The following IRS4 variants were observed in gnomAD, a reference collection of about 807,000 sequenced individuals.
IRS4 encodes 160 kDa phosphotyrosine protein.
Under a neutral mutation model 48.6 loss-of-function variants are expected in IRS4, and 15 were observed. That is an observed-to-expected ratio of 0.31 (90% CI 0.21 to 0.48). The LOEUF is 0.48. IRS4 is among the 20% of genes least tolerant of loss of function. IRS4 has a pLI of 0.99. For missense variants in IRS4, 987 were observed against 1,023.4 expected, an observed-to-expected ratio of 0.96 and a Z score of 0.49; for synonymous variants, 459 against 413.2, an observed-to-expected ratio of 1.11 and a Z score of -1.34.
intron 1 of IRS4, among the ~76,000 whole-genome samples, chrX:108,727,168 T>C (rs1225376789): frequency 8.9e-6 from 1 of 112,165 alleles, no homozygotes; most frequent in East Asian, 2.8e-4. Flanking sequence ...TAAGAGAAAA[T>C]AGCAGTAACT....
intron 1 of IRS4, among the ~76,000 whole-genome samples, chrX:108,730,537 C>T (rs1276567203): frequency 8.9e-6 from 1 of 111,829 alleles, no homozygotes; most frequent in East Asian, 2.8e-4. Flanking sequence ...CACGTTGATT[C>T]TCTTATTTCA....
At position 108,721,515 on chromosome X, in the gene IRS4, C is replaced by T. The variant is rs1299037657; in HGVS notation, c.*1004G>A. On this transcript the variant is annotated 3_prime_UTR_variant, in exon 2 of 2. Coordinates refer to ENST00000372129, the MANE Select transcript of IRS4 (RefSeq NM_001379150.1). The stretch of plus-strand genomic sequence containing the variant: ...GTCAGAATATTGATTGATAAGTAAA[C>T]ACTAATTTCTTGAATATGGGAAATT... 9.0e-6 allele frequency: 1 copy of T among 110,588 alleles called. No homozygotes were observed. The highest frequency in any genetic ancestry group is 1.9e-5 in the Non-Finnish European group (1 of 52,941). 9.1% of individuals were successfully genotyped at this position (110,588 alleles called of 1,213,427 possible). A position where few individuals can be genotyped will look rare whatever the true frequency, so the allele number is the denominator to read the frequency against.
At position 108,735,858 on chromosome X, in the gene IRS4, T is replaced by C. The variant is rs200261736; in HGVS notation, c.487A>G (p.Arg163Gly). The change falls in exon 1 of 2, where the codon AGG (arginine) becomes GGG (glycine). Residue 163 changes from arginine to glycine, a missense_variant. Transcript: ENST00000372129. ...CFSVSQRADA[R>G]YRHLIALFTQ... ...AAAAGAGCAATGAGGTGTCGGTACCTTGCATCTGCTCGCTGGCTCACGGAA... is the reference window on the plus strand; with the variant it reads ...AAAAGAGCAATGAGGTGTCGGTACCCTGCATCTGCTCGCTGGCTCACGGAA... 1 of 1,206,152 alleles carries C rather than the reference T, an allele frequency of 8.3e-7. No homozygotes were observed. Among genetic ancestry groups the C allele is most frequent in the East Asian group, 3.0e-5 (1 of 33,519 alleles).
rs1167434530 is a variant in IRS4, at chrX:108,734,231, G to A, written c.2114C>T (p.Pro705Leu). 8.3e-7 allele frequency: 1 copy of A among 1,208,711 alleles called. No homozygotes were observed. Among genetic ancestry groups the A allele is most frequent in the Non-Finnish European group, 1.1e-6 (1 of 894,704 alleles). The change falls in exon 1 of 2, where the codon CCA (proline) becomes CTA (leucine). Residue 705 changes from proline (P) to leucine (L), a missense_variant. This residue lies in a region of IRS4 where 720 missense variants were observed against 660.3 expected (regional missense o/e 1.09). Coordinates refer to ENST00000372129, the MANE Select transcript of IRS4 (RefSeq NM_001379150.1). ...DEDDPYVPMR[P>L]GVATPLVSSS... ...GCTTACAAGAGGGGTGGCCACCCCT[G>A]GCCTCATTGGCACGTATGGGTCATC...
chrX:108,733,911 G>A lies in IRS4; in HGVS notation c.2434C>T (p.Pro812Ser), dbSNP rs1387513262. ...SKSWSSYFSLPNPFRSSPLGQ... is the reference protein window; with the variant it reads ...SKSWSSYFSLSNPFRSSPLGQ... Reference sequence around the variant, plus strand: ...AAAGGTGAGCTCCGAAAAGGGTTTGGTAGAGAGAAGTAGGAGCTCCAACTT... The same window carrying A: ...AAAGGTGAGCTCCGAAAAGGGTTTGATAGAGAGAAGTAGGAGCTCCAACTT... Residue 812 changes from proline to serine, a missense_variant, in exon 1 of 2, where the codon CCA becomes TCA. Physicochemically the swap from Pro to Ser is moderately conservative, Grantham distance 74 (BLOSUM62 -1). Coordinates refer to ENST00000372129, the MANE Select transcript of IRS4 (RefSeq NM_001379150.1). The A allele has an allele frequency of 1.7e-6, 2 of 1,211,576 alleles. No homozygotes were observed. Among genetic ancestry groups the A allele is most frequent in the Non-Finnish European group, 2.2e-6 (2 of 895,450 alleles).
chrX:108,733,955 T>A lies in IRS4; in HGVS notation c.2390A>T (p.Gln797Leu). The part of the protein sequence containing the change: ...GAIPKNPRNP[Q>L]GGSSSKSWSS... ...CCAACTTTTGGAGGAAGAGCCACCC[T>A]GAGGATTTCTGGGGTTTTTTGGAAT... Residue 797 changes from glutamine to leucine, a missense_variant, in exon 1 of 2, where the codon CAG (glutamine) becomes CTG (leucine). By Grantham distance (113) the Gln-to-Leu change is moderately radical. Around this residue, in one of 4 missense-constraint regions of IRS4, gnomAD observed 720 missense variants for 660.3 expected, o/e 1.09. Transcript: ENST00000372129. 1.7e-6 allele frequency: 2 copies of A among 1,211,778 alleles called. No individual in the cohort carries two copies. Among genetic ancestry groups the A allele is most frequent in the Non-Finnish European group, 2.2e-6 (2 of 895,484 alleles).
rs1160785494 is a variant in IRS4, at chrX:108,735,753, T to C, written c.592A>G (p.Ile198Val). 1 of 1,202,054 alleles carries C rather than the reference T, an allele frequency of 8.3e-7. No homozygotes were observed. Among genetic ancestry groups the C allele is most frequent in the Non-Finnish European group, 1.1e-6 (1 of 891,175 alleles). ...CAGCGGCGGCGCTTGCTCTCGAGGA[T>C]GAGGCGGCTGAGCAGCAAGTACCAG... ...ESWYLLLSRLILESKRRRCGT... is the reference protein window; with the variant it reads ...ESWYLLLSRLVLESKRRRCGT... Residue 198 changes from isoleucine (I) to valine (V), a missense_variant, in exon 1 of 2, where the codon ATC (isoleucine) becomes GTC (valine). Coordinates refer to ENST00000372129, the MANE Select transcript of IRS4 (RefSeq NM_001379150.1).
At position 108,732,703 on chromosome X, in the gene IRS4, T is replaced by C. The variant is rs887652995; in HGVS notation, c.3642A>G (p.Glu1214=). Residue 1214 remains glutamate (E), a synonymous_variant, in exon 1 of 2, where the codon GAA becomes GAG. Coordinates refer to ENST00000372129, the MANE Select transcript of IRS4 (RefSeq NM_001379150.1). ...GCACCCGGCGACTGCGAGGTGGTGG[T>C]TCCGGAGCGGCAGCTGCAGCGGCAG... The part of the protein sequence containing the change: ...GGAAAAAAAP[E]PPPRSRRVPR... 7 of 1,211,644 alleles carry C rather than the reference T, an allele frequency of 5.8e-6. No homozygotes were observed. The highest frequency in any genetic ancestry group is 7.8e-6 in the Non-Finnish European group (7 of 895,335).
In IRS4 at chrX:108,735,580, C is replaced by T. The variant is rs756750215; in HGVS notation, c.765G>A (p.Arg255=). The change falls in exon 1 of 2, where the codon CGG becomes CGA. Residue 255 remains arginine (R), a synonymous_variant. Transcript: ENST00000372129. ...GHRKELSGVF[R]LCLTDEEVVF... ...CGACCTCCTCGTCGGTTAGACACAG[C>T]CGGAACACGCCGCTCAGCTCTTTTC... The T allele has an allele frequency of 1.2e-5, 14 of 1,206,174 alleles. No individual in the cohort carries two copies. Among genetic ancestry groups the T allele is most frequent in the Non-Finnish European group, 1.3e-5 (12 of 894,176 alleles).
In IRS4 at chrX:108,735,721, C is replaced by G; in HGVS notation, c.624G>C (p.Thr208=). The part of the protein sequence containing the change: ...ILESKRRRCG[T]LGAQPDGEPA... Reference sequence around the variant, plus strand: ...GCTCTCCGTCCGGCTGCGCGCCGAGCGTGCCGCAGCGGCGGCGCTTGCTCT... The same window carrying G: ...GCTCTCCGTCCGGCTGCGCGCCGAGGGTGCCGCAGCGGCGGCGCTTGCTCT... The change falls in exon 1 of 2, where the codon ACG becomes ACC. Residue 208 remains threonine, a synonymous_variant. Transcript: ENST00000372129. The G allele has an allele frequency of 8.5e-7, 1 of 1,178,101 alleles. No homozygotes were observed. Among genetic ancestry groups the G allele is most frequent in the Non-Finnish European group, 1.1e-6 (1 of 879,636 alleles).
Position 108,735,705 on chromosome X carries a change from C to G in IRS4, c.640G>C (p.Asp214His), listed in dbSNP as rs771038998. The change falls in exon 1 of 2, where the codon GAC becomes CAC. Residue 214 changes from aspartate (D) to histidine (H), a missense_variant. Coordinates refer to ENST00000372129, the MANE Select transcript of IRS4 (RefSeq NM_001379150.1). ...RRCGTLGAQP[D>H]GEPAALAAAA... ...GCCGCCAGCGCGGCCGGCTCTCCGT[C>G]CGGCTGCGCGCCGAGCGTGCCGCAG... is the stretch of plus-strand genomic sequence containing the variant. 5.9e-6 allele frequency: 7 copies of G among 1,180,936 alleles called. No homozygotes were observed. The highest frequency in any genetic ancestry group is 7.9e-6 in the Non-Finnish European group (7 of 880,936).
At chrX:108,723,473 T>C (rs1228145650) in intron 1 of IRS4, 1 of 112,156 alleles carries the variant, frequency 8.9e-6, no homozygotes, top group East Asian at 2.8e-4. Flanking sequence ...ATTTTTAAAA[T>C]GTAACAAATT....
Position 108,733,572 on chromosome X carries a change from C to T in IRS4, c.2773G>A (p.Asp925Asn). 1 of 1,212,026 alleles carries T rather than the reference C, an allele frequency of 8.3e-7. No individual in the cohort carries two copies. The highest frequency in any genetic ancestry group is 1.1e-6 in the Non-Finnish European group (1 of 895,570). Residue 925 changes from aspartate to asparagine, a missense_variant, in exon 1 of 2, where the codon GAC (aspartate) becomes AAC (asparagine). Around this residue, in one of 4 missense-constraint regions of IRS4, gnomAD observed 720 missense variants for 660.3 expected, o/e 1.09. Transcript: ENST00000372129. ...ADSSSDYVNMDFTKRESNTPA... is the reference protein window; with the variant it reads ...ADSSSDYVNMNFTKRESNTPA... ...GTATTGCTCTCTCTTTTAGTGAAGT[C>T]CATGTTGACGTAGTCACTAGAGCTG...
rs776347858 is a variant in IRS4, at chrX:108,733,014, C to A, written c.3331G>T (p.Asp1111Tyr). 8.3e-7 allele frequency: 1 copy of A among 1,208,991 alleles called. No individual in the cohort carries two copies. Among genetic ancestry groups the A allele is most frequent in the Non-Finnish European group, 1.1e-6 (1 of 894,473 alleles). ...SAFPTDSLER[D>Y]LSPSSAPAVA... is the part of the protein sequence containing the mutation. ...GCCGGGGCTGAGGATGGGGAAAGGT[C>A]TCTCTCGAGGCTGTCTGTTGGAAAA... Residue 1111 changes from aspartate to tyrosine, a missense_variant, in exon 1 of 2, where the codon GAC (aspartate) becomes TAC (tyrosine). Asp to Tyr is a radical substitution (Grantham distance 160). Coordinates refer to ENST00000372129, the MANE Select transcript of IRS4 (RefSeq NM_001379150.1).
rs955007784 is a variant in IRS4, at chrX:108,722,381, G to A, written c.*138C>T. The stretch of plus-strand genomic sequence containing the variant: ...ATCATTCAATTGCCAGAGTCCACTT[G>A]TAGGCTTGTAGAAATTTGGGTTGCT... On this transcript the variant is annotated 3_prime_UTR_variant, in exon 2 of 2. Transcript: ENST00000372129. 3 of 249,986 alleles carry A rather than the reference G, an allele frequency of 1.2e-5. No homozygotes were observed. Among genetic ancestry groups the A allele is most frequent in the Non-Finnish European group, 2.3e-5 (3 of 133,046 alleles). The allele number at this position is 249,986 out of a possible 1,213,427, so 20.6% of individuals were successfully genotyped here. A position where few individuals can be genotyped will look rare whatever the true frequency, so the allele number is the denominator to read the frequency against.
rs199847630 is a variant in IRS4, at chrX:108,734,622, C to T, written c.1723G>A (p.Gly575Arg). ...CCTGAGCCATGGCCATCTCCAGGTC[C>T]CTGGCCACCACCTGAGCCATGCCCA... ...GGGHGSGGGQ[G>R]PGDGHGSGGG... The change falls in exon 1 of 2, where the codon GGA becomes AGA. Residue 575 changes from glycine to arginine, a missense_variant. Gly to Arg is a moderately radical substitution (Grantham distance 125). Transcript: ENST00000372129. The T allele has an allele frequency of 8.3e-7, 1 of 1,211,433 alleles. No homozygotes were observed. Among genetic ancestry groups the T allele is most frequent in the Non-Finnish European group, 1.1e-6 (1 of 895,316 alleles).
In IRS4 at chrX:108,736,563, T is replaced by G; in HGVS notation, c.-219A>C. On this transcript the variant is annotated 5_prime_UTR_variant, in exon 1 of 2. Transcript: ENST00000372129. ...GCTGCGGATCCTGCTACCGGCGCAA[T>G]GGAGGGGCGCGAGCGGCCACCAGTA... is the stretch of plus-strand genomic sequence containing the variant. The G allele has an allele frequency of 1.8e-6, 1 of 555,705 alleles. No individual in the cohort carries two copies. The highest frequency in any genetic ancestry group is 2.8e-6 in the Non-Finnish European group (1 of 353,699). The allele number at this position is 555,705 out of a possible 1,213,427, so 45.8% of individuals were successfully genotyped here.
intron 1 of IRS4, chrX:108,724,378 A>G (rs1160603661): frequency 8.9e-6 from 1 of 112,565 alleles, no homozygotes; most frequent in Non-Finnish European, 1.9e-5. Context: ...TTACTTCACA[A>G]AATACATTTG....
At position 108,720,777 on chromosome X, in the gene IRS4, C is replaced by T. The variant is rs927419116; in HGVS notation, c.*1742G>A. The T allele has an allele frequency of 8.9e-6, 1 of 111,833 alleles. No homozygotes were observed. Among genetic ancestry groups the T allele is most frequent in the Non-Finnish European group, 1.9e-5 (1 of 53,209 alleles). 9.2% of individuals were successfully genotyped at this position (111,833 alleles called of 1,213,427 possible). A position where few individuals can be genotyped will look rare whatever the true frequency, so the allele number is the denominator to read the frequency against. On this transcript the variant is annotated 3_prime_UTR_variant, in exon 2 of 2. Transcript: ENST00000372129. ...TGAAGGAACTGATAAAGTTGATGCC[C>T]TAGCAGTGACCAGTAACTGGAACAA...
Sources: allele counts gnomAD v4.1 joint callset (sites outside exome capture counted in the v4.1 genomes callset), GRCh38; gene constraint gnomAD v4.1.1; regional missense constraint gnomAD v4.1.1; transcripts MANE v1.5; gene names NCBI Gene and HGNC (gene_info 2026-07-23, HGNC 2026-07-21).